CATSPERT: variants seen among roughly 807,000 people sequenced by gnomAD.
The protein encoded by CATSPERT is cation channel sperm-associated targeting subunit tau.
At chr2:201,508,040 A>C in the CATSPERT span, among the ~76,000 whole-genome samples, 4 of 152,270 alleles carry the variant, frequency 2.6e-5, no homozygotes, top group African/African-American at 7.2e-5. Context: ...GGTGGGACAC[A>C]AAATCAAACC....
the CATSPERT span, among the ~76,000 whole-genome samples, chr2:201,537,938 T>C: frequency 1.3e-5 from 2 of 151,934 alleles, no homozygotes; most frequent in East Asian, 3.9e-4. Context: ...AAAAAGAAAA[T>C]AAATAACTGA....
At chr2:201,517,658 C>T in the CATSPERT span, among the ~76,000 whole-genome samples, 3 of 152,208 alleles carry the variant, frequency 2.0e-5, no homozygotes, top group Non-Finnish European at 2.9e-5. Context: ...GCCAAGGTTT[C>T]CCCCAAAGGG....
At chr2:201,495,919 A>G in the CATSPERT span, 2 of 1,598,134 alleles carry the variant, frequency 1.3e-6, no homozygotes, top group Non-Finnish European at 8.5e-7. Context: ...TGAATTCTAT[A>G]TATTCTGGTC....
chr2:201,492,508 T>C, the CATSPERT span: 1 of 1,535,810 alleles, frequency 6.5e-7, no homozygotes, highest in African/African-American at 1.4e-5. Flanking sequence ...AATATCTTGT[T>C]CTAGTTCATG....
the CATSPERT span, chr2:201,575,414 C>A: frequency 3.9e-6 from 4 of 1,023,114 alleles, no homozygotes; most frequent in Non-Finnish European, 1.4e-6. Flanking sequence ...AACCCCTAGG[C>A]CATGGACTGG....
At chr2:201,609,387 A>G in the CATSPERT span, among the ~76,000 whole-genome samples, 3 of 152,208 alleles carry the variant, frequency 2.0e-5, no homozygotes, top group African/African-American at 7.2e-5. Flanking sequence ...TACCGAATAC[A>G]TACTCTTCTC....
chr2:201,615,178 A>G, the CATSPERT span, among the ~76,000 whole-genome samples: 5 of 152,136 alleles, frequency 3.3e-5, no homozygotes, highest in African/African-American at 1.2e-4. Flanking sequence ...ATATCCAGGA[A>G]TTGAACTCAG....
At chr2:201,605,509 T>C in the CATSPERT span, among the ~76,000 whole-genome samples, 1 of 152,162 alleles carries the variant, frequency 6.6e-6, no homozygotes, top group African/African-American at 2.4e-5. Context: ...ATGCCCCTCC[T>C]TTCCCCTTAC....
chr2:201,564,149 T>A, the CATSPERT span, among the ~76,000 whole-genome samples: 8,373 of 152,252 alleles, frequency 0.055, 281 homozygotes, highest in African/African-American at 0.08. Context: ...CAGTCCTGAC[T>A]CTAGGAGTAA....
chr2:201,601,783 T>C, the CATSPERT span: 1 of 1,612,486 alleles, frequency 6.2e-7, no homozygotes, highest in Non-Finnish European at 8.5e-7. Context: ...ATTACAGTGT[T>C]CTTCTCATCG....
chr2:201,590,328 T>C, the CATSPERT span, among the ~76,000 whole-genome samples: 23 of 151,960 alleles, frequency 1.5e-4, no homozygotes, highest in Non-Finnish European at 3.2e-4. Context: ...TCATTTTTTA[T>C]GGCTGCATAG....
At chr2:201,576,666 C>A in the CATSPERT span, among the ~76,000 whole-genome samples, 2 of 152,274 alleles carry the variant, frequency 1.3e-5, no homozygotes, top group East Asian at 3.9e-4. Context: ...AGCCTGTGTG[C>A]CCACGGCACG....
chr2:201,594,588 C>T, the CATSPERT span, among the ~76,000 whole-genome samples: 2 of 150,688 alleles, frequency 1.3e-5, no homozygotes, highest in Non-Finnish European at 3.0e-5. Context: ...CAACTTGGTT[C>T]CATTCTCCCC....
At chr2:201,539,632 A>G in the CATSPERT span, among the ~76,000 whole-genome samples, 1 of 143,768 alleles carries the variant, frequency 7.0e-6, no homozygotes, top group African/African-American at 2.6e-5. Flanking sequence ...AGACTTTTGT[A>G]AGATGGCAAA....
chr2:201,582,271 C>A, the CATSPERT span: 1 of 1,498,178 alleles, frequency 6.7e-7, no homozygotes, highest in South Asian at 1.3e-5. Flanking sequence ...CTAAATATTT[C>A]TGAACACATA....
the CATSPERT span, among the ~76,000 whole-genome samples, chr2:201,584,800 G>GAAAT: frequency 6.6e-6 from 1 of 151,508 alleles, no homozygotes; most frequent in Admixed American, 6.6e-5. Flanking sequence ...AAGAAAGAAA[G>GAAAT]AAAGAAAGAA....
the CATSPERT span, among the ~76,000 whole-genome samples, chr2:201,566,517 C>T: frequency 3.3e-5 from 5 of 151,898 alleles, no homozygotes; most frequent in African/African-American, 4.8e-5. Flanking sequence ...CACCCATGTC[C>T]CTGCAAAGGA....
At chr2:201,491,448 A>G in the CATSPERT span, 11 of 1,536,946 alleles carry the variant, frequency 7.2e-6, no homozygotes, top group Non-Finnish European at 7.8e-6. Context: ...TTTCACTGCA[A>G]ATTTCATCTG....
the CATSPERT span, among the ~76,000 whole-genome samples, chr2:201,540,657 C>T: frequency 6.6e-6 from 1 of 152,186 alleles, no homozygotes; most frequent in South Asian, 2.1e-4. Flanking sequence ...TATTACTGCT[C>T]AGTGACAATG....
Sources: allele counts gnomAD v4.1 joint callset (sites outside exome capture counted in the v4.1 genomes callset), GRCh38; gene constraint gnomAD v4.1.1; transcripts MANE v1.5; gene names NCBI Gene and HGNC (gene_info 2026-07-23, HGNC 2026-07-21).